VRK1: variants seen among roughly 807,000 people sequenced by gnomAD.
The protein encoded by VRK1 is VRK serine/threonine kinase 1, also known as serine/threonine-protein kinase VRK1.
In VRK1, 33 loss-of-function variants were observed where a neutral mutation model predicts 57.1. The ratio of observed to expected loss-of-function variants is 0.58; its 90% confidence interval spans 0.44 to 0.77. The LOEUF is 0.77. VRK1 is among the 30% of genes least tolerant of loss of function. The pLI, the probability that VRK1 is intolerant of heterozygous loss-of-function variation, is 0.00. For synonymous variants in VRK1, 137 were observed against 147.8 expected (o/e 0.93, Z 0.53); for missense variants, 413 against 477.3 (o/e 0.87, Z 1.25).
intron 3 of VRK1, among the ~76,000 whole-genome samples, chr14:96,843,040 A>T (rs1222772229): frequency 1.3e-5 from 2 of 152,214 alleles, no homozygotes; most frequent in African/African-American, 2.4e-5. Context: ...TGAAGTTAAG[A>T]CATACCCATT....
intron 7 of VRK1, among the ~76,000 whole-genome samples, chr14:96,854,251 T>C (rs1888062935): frequency 6.6e-6 from 1 of 152,172 alleles, no homozygotes; most frequent in South Asian, 2.1e-4. Flanking sequence ...AGGGTTCCAT[T>C]AATTGAAATA....
chr14:96,835,187 A>G (rs191569723), intron 2 of VRK1, among the ~76,000 whole-genome samples: 114 of 152,290 alleles, frequency 7.5e-4, no homozygotes, highest in African/African-American at 1.0e-3. Context: ...CTCTGTCTCT[A>G]TGATACACTG....
chr14:96,843,140 A>G (rs564118503), intron 3 of VRK1, among the ~76,000 whole-genome samples: 1 of 152,352 alleles, frequency 6.6e-6, no homozygotes, highest in Admixed American at 6.5e-5. Context: ...TCCTTGACCT[A>G]CAGAACAGAC....
intron 1 of VRK1, among the ~76,000 whole-genome samples, chr14:96,820,959 C>T (rs1886575883): frequency 6.6e-6 from 1 of 152,116 alleles, no homozygotes; most frequent in African/African-American, 2.4e-5. Flanking sequence ...GGAAGAGACA[C>T]TTTTTTCCCT....
chr14:96,814,404 G>A (rs1886316928), intron 1 of VRK1, among the ~76,000 whole-genome samples: 1 of 152,156 alleles, frequency 6.6e-6, no homozygotes, highest in Non-Finnish European at 1.5e-5. Flanking sequence ...TGCTTTAGAA[G>A]CACTGGTAAA....
intron 1 of VRK1, among the ~76,000 whole-genome samples, chr14:96,818,481 A>G (rs892278508): frequency 6.6e-6 from 1 of 152,060 alleles, no homozygotes. Flanking sequence ...GTGTGAAAAC[A>G]TGACTAGTGT....
intron 8 of VRK1, among the ~76,000 whole-genome samples, 156 bp downstream of exon 8, chr14:96,855,512 TTG>T (rs1888119958): frequency 6.6e-6 from 1 of 152,174 alleles, no homozygotes; most frequent in African/African-American, 2.4e-5. Context: ...ACTCCTACAA[TTG>T]TATTCCAGGA....
At chr14:96,856,338 A>G in intron 9 of VRK1, 88 bp downstream of exon 9, 2 of 1,484,200 alleles carry the variant, frequency 1.3e-6, no homozygotes, top group Non-Finnish European at 1.9e-6. Flanking sequence ...TATAGTTTCA[A>G]CTGATACTGA....
intron 5 of VRK1, among the ~76,000 whole-genome samples, chr14:96,849,283 T>A (rs948788054): frequency 6.6e-6 from 1 of 152,138 alleles, no homozygotes; most frequent in African/African-American, 2.4e-5. Flanking sequence ...CAAATCTGTT[T>A]GACTGTGTGC....
In VRK1 at chr14:96,875,943, T is replaced by TAC. The variant is rs1261990908; in HGVS notation, c.1069-77_1069-76dup. On this transcript the variant is annotated intron_variant, in intron 11 of 12. Coordinates refer to ENST00000216639, the MANE Select transcript of VRK1 (RefSeq NM_003384.3). Reference sequence around the variant, plus strand: ...ACACACCCACACCTATATACATTTATACACACACACAGACAAATATGTGAT... The same window carrying TAC: ...ACACACCCACACCTATATACATTTATACACACACACACAGACAAATATGTGAT... 15 of 1,398,898 alleles carry TAC rather than the reference T, an allele frequency of 1.1e-5. No individual in the cohort carries two copies. The East Asian group carries it at 1.2e-4, about 11-fold the overall frequency. The allele number at this position is 1,398,898 out of a possible 1,614,324, so 86.7% of individuals were successfully genotyped here. A position where few individuals can be genotyped will look rare whatever the true frequency, so the allele number is the denominator to read the frequency against.
chr14:96,860,263 A>G (rs966222924), intron 10 of VRK1, among the ~76,000 whole-genome samples: 15 of 151,992 alleles, frequency 9.9e-5, no homozygotes, highest in Non-Finnish European at 5.9e-5. Context: ...GTATTTTTTT[A>G]TAACTTTAAT....
intron 1 of VRK1, among the ~76,000 whole-genome samples, chr14:96,807,722 A>G (rs1885937740): frequency 6.6e-6 from 1 of 152,130 alleles, no homozygotes. Flanking sequence ...TCCTGTTTGT[A>G]TGCATTAGTT....
chr14:96,832,285 T>G (rs1887037705), intron 1 of VRK1, among the ~76,000 whole-genome samples: 2 of 152,180 alleles, frequency 1.3e-5, no homozygotes, highest in African/African-American at 4.8e-5. Context: ...CAGACTTCTT[T>G]CATCTGAATA....
chr14:96,854,219 G>A (rs1267649809), intron 7 of VRK1, among the ~76,000 whole-genome samples: 11 of 152,068 alleles, frequency 7.2e-5, no homozygotes, highest in South Asian at 2.1e-4. Flanking sequence ...CAAAGAAAAC[G>A]CAGCTAACAA....
rs776701715 is a variant in VRK1, at chr14:96,881,187, C to G, written c.1170C>G (p.Thr390=). Residue 390 remains threonine (T), a synonymous_variant, in exon 13 of 13, where the codon ACC becomes ACG. Transcript: ENST00000216639. Reference sequence around the variant, plus strand: ...TGATTTTTCTTCAAGGTTCAAGAACCAGAAAGAGAGTCCAGAAGTAATTCA... The same window carrying G: ...TGATTTTTCTTCAAGGTTCAAGAACGAGAAAGAGAGTCCAGAAGTAATTCA... ...TEEAIQTRSR[T]RKRVQK 23 of 1,605,836 alleles carry G rather than the reference C, an allele frequency of 1.4e-5. No individual in the cohort carries two copies. In the African/African-American group the frequency reaches 2.5e-4, roughly 18 times the overall value.
intron 7 of VRK1, among the ~76,000 whole-genome samples, chr14:96,854,164 C>A (rs1413065485): frequency 6.6e-6 from 1 of 152,118 alleles, no homozygotes; most frequent in Non-Finnish European, 1.5e-5. Flanking sequence ...AAATTCATCT[C>A]TGCTCTTTCT....
At chr14:96,869,427 A>G (rs1223027121) in intron 11 of VRK1, among the ~76,000 whole-genome samples, 1 of 152,192 alleles carries the variant, frequency 6.6e-6, no homozygotes, top group African/African-American at 2.4e-5. Context: ...TATTAGGCAC[A>G]TGTGAATGAA....
intron 2 of VRK1, among the ~76,000 whole-genome samples, chr14:96,835,651 A>G (rs1023465926): frequency 6.6e-6 from 1 of 152,170 alleles, no homozygotes; most frequent in Non-Finnish European, 1.5e-5. Context: ...TGTCATGAGG[A>G]TTGTCTCAAT....
At chr14:96,831,014 A>G (rs1255745135) in intron 1 of VRK1, among the ~76,000 whole-genome samples, 1 of 152,116 alleles carries the variant, frequency 6.6e-6, no homozygotes, top group Non-Finnish European at 1.5e-5. Context: ...GCCTCTTGAG[A>G]CCTCACCAAG....
Sources: gnomAD v4.1 joint callset for allele counts (sites outside exome capture counted in the v4.1 genomes callset) on GRCh38, gnomAD v4.1.1 for gene constraint, MANE v1.5 for transcripts, NCBI Gene and HGNC (gene_info 2026-07-23, HGNC 2026-07-21) for gene names.